ZNG1A: variants seen among roughly 807,000 people sequenced by gnomAD.
The protein encoded by ZNG1A is Zn regulated GTPase metalloprotein activator 1A, also known as zinc-regulated GTPase metalloprotein activator 1A.
the ZNG1A span, among the ~76,000 whole-genome samples, chr9:139,582 C>G: frequency 6.6e-6 from 1 of 152,040 alleles, no homozygotes; most frequent in Admixed American, 6.5e-5. Context: ...TCTTTCTTCC[C>G]TCCCTTACCA....
chr9:136,125 G>C, the ZNG1A span, among the ~76,000 whole-genome samples: 1 of 79,572 alleles, frequency 1.3e-5, no homozygotes, highest in Non-Finnish European at 2.9e-5. Context: ...ATCTAACAAC[G>C]AACATTTAAG....
At chr9:159,559 C>A in the ZNG1A span, among the ~76,000 whole-genome samples, 1 of 151,902 alleles carries the variant, frequency 6.6e-6, no homozygotes, top group Non-Finnish European at 1.5e-5. Flanking sequence ...TCAATTATAC[C>A]TCAATAAAGC....
the ZNG1A span, among the ~76,000 whole-genome samples, chr9:141,335 C>T: frequency 1.4e-5 from 2 of 144,442 alleles, no homozygotes; most frequent in African/African-American, 2.6e-5. Context: ...AGACTAACAG[C>T]GGATCTCTTG....
the ZNG1A span, among the ~76,000 whole-genome samples, chr9:145,446 G>A: frequency 6.7e-6 from 1 of 149,684 alleles, no homozygotes; most frequent in Non-Finnish European, 1.5e-5. Flanking sequence ...ACTATCGCAA[G>A]AACAAAAAAC....
chr9:158,558 G>A, the ZNG1A span, among the ~76,000 whole-genome samples: 1 of 151,058 alleles, frequency 6.6e-6, no homozygotes, highest in African/African-American at 2.5e-5. Context: ...CATGCCTAAA[G>A]GTAACTAATA....
chr9:159,248 A>G, the ZNG1A span, among the ~76,000 whole-genome samples: 17 of 149,550 alleles, frequency 1.1e-4, no homozygotes, highest in South Asian at 3.7e-3. Context: ...CTAAGGATCA[A>G]AACCCCAATT....
chr9:140,285 A>C, the ZNG1A span, among the ~76,000 whole-genome samples: 4 of 152,026 alleles, frequency 2.6e-5, no homozygotes, highest in African/African-American at 9.7e-5. Context: ...TGAAGAGAGC[A>C]GTGGTTCTCC....
At chr9:146,091 A>T in the ZNG1A span, 2 of 1,536,168 alleles carry the variant, frequency 1.3e-6, no homozygotes, top group East Asian at 2.3e-5. Context: ...ACCAAATTAT[A>T]CAAAACATAC....
At chr9:145,830 G>C in the ZNG1A span, among the ~76,000 whole-genome samples, 1 of 151,868 alleles carries the variant, frequency 6.6e-6, no homozygotes. Flanking sequence ...CATAGAAAGA[G>C]TATTAGACAT....
At chr9:154,665 A>T in the ZNG1A span, 1 of 1,408,474 alleles carries the variant, frequency 7.1e-7, no homozygotes, top group Non-Finnish European at 9.9e-7. Context: ...TTCTGTGTAT[A>T]CAACATGGAT....
chr9:154,720 T>G, the ZNG1A span: 1 of 1,597,828 alleles, frequency 6.3e-7, no homozygotes, highest in East Asian at 2.2e-5. Context: ...TAATTGTCGT[T>G]CTTAATTTCT....
chr9:131,294 G>A, the ZNG1A span, among the ~76,000 whole-genome samples: 3 of 144,206 alleles, frequency 2.1e-5, no homozygotes, highest in Non-Finnish European at 4.5e-5. Context: ...GCAAAATAAG[G>A]AATTGTCTCT....
At chr9:156,128 AAAT>A in the ZNG1A span, among the ~76,000 whole-genome samples, 58 of 109,440 alleles carry the variant, frequency 5.3e-4, 3 homozygotes, top group Non-Finnish European at 8.6e-4. Flanking sequence ...CTGTCTCAAA[AAAT>A]AATAATTATT....
At chr9:168,612 C>A in the ZNG1A span, among the ~76,000 whole-genome samples, 1 of 149,146 alleles carries the variant, frequency 6.7e-6, no homozygotes, top group African/African-American at 2.5e-5. Context: ...CCATTTAGGA[C>A]TTTCATAGCT....
chr9:172,124 T>A, the ZNG1A span: 7 of 1,611,206 alleles, frequency 4.3e-6, no homozygotes, highest in East Asian at 1.6e-4. Flanking sequence ...TGTAATCAAA[T>A]TTCCCCTTCT....
At chr9:161,753 C>G in the ZNG1A span, 1 of 528,370 alleles carries the variant, frequency 1.9e-6, no homozygotes, top group African/African-American at 2.0e-5. Context: ...TAAATGCATT[C>G]TAGGACCTTA....
the ZNG1A span, among the ~76,000 whole-genome samples, chr9:175,987 T>C: frequency 6.7e-6 from 1 of 150,338 alleles, no homozygotes; most frequent in Non-Finnish European, 1.5e-5. Context: ...ATTTTATAAA[T>C]ATTTACAAAC....
At chr9:144,433 C>T in the ZNG1A span, among the ~76,000 whole-genome samples, 23 of 148,356 alleles carry the variant, frequency 1.6e-4, no homozygotes, top group African/African-American at 5.7e-4. Context: ...CTGAGAAAAA[C>T]AAGCAGTGGG....
At chr9:164,038 C>T in the ZNG1A span, 48 of 1,581,850 alleles carry the variant, frequency 3.0e-5, no homozygotes, top group East Asian at 1.1e-3. Flanking sequence ...GCCACTGCAC[C>T]TGAAAATATA....
Sources: gnomAD v4.1 joint callset for allele counts (sites outside exome capture counted in the v4.1 genomes callset) on GRCh38, gnomAD v4.1.1 for gene constraint, MANE v1.5 for transcripts, NCBI Gene and HGNC (gene_info 2026-07-23, HGNC 2026-07-21) for gene names.